The following CAMTA1 variants were observed in gnomAD, a reference collection of about 807,000 sequenced individuals.
CAMTA1 encodes calmodulin binding transcription activator 1.
A neutral mutation model predicts 170.9 loss-of-function variants in CAMTA1; 27 were observed. That is an observed-to-expected ratio of 0.16 (90% CI 0.12 to 0.22). CAMTA1 has a LOEUF of 0.22. CAMTA1 is among the 10% of genes least tolerant of loss of function. The pLI is 1.00. For synonymous variants in CAMTA1, 833 were observed against 891.5 expected (o/e 0.93, Z 1.17); for missense variants, 1,619 against 2,217.2 (o/e 0.73, Z 5.42).
At chr1:7,117,936 G>C (rs1035914926) in intron 4 of CAMTA1, among the ~76,000 whole-genome samples, 2 of 152,072 alleles carry the variant, frequency 1.3e-5, no homozygotes, top group South Asian at 4.2e-4. Context: ...TCTTCCTACA[G>C]AACTCCTCTG....
intron 5 of CAMTA1, among the ~76,000 whole-genome samples, chr1:7,254,860 T>C (rs1667126058): frequency 6.6e-6 from 1 of 152,230 alleles, no homozygotes; most frequent in African/African-American, 2.4e-5. Context: ...TGAACATGTA[T>C]GGTGCCCAAA....
At chr1:7,276,460 G>A (rs1009917032) in intron 5 of CAMTA1, among the ~76,000 whole-genome samples, 1 of 150,538 alleles carries the variant, frequency 6.6e-6, no homozygotes, top group Non-Finnish European at 1.5e-5. Context: ...ACAGGCGCCC[G>A]CCACCATGCC....
At chr1:7,650,013 C>T (rs932918987) in intron 7 of CAMTA1, among the ~76,000 whole-genome samples, 2 of 152,222 alleles carry the variant, frequency 1.3e-5, no homozygotes, top group Non-Finnish European at 2.9e-5. Flanking sequence ...CCGAGCCTGG[C>T]TTCCTGCGGC....
At chr1:6,881,466 G>C (rs888809946) in intron 3 of CAMTA1, among the ~76,000 whole-genome samples, 5 of 152,158 alleles carry the variant, frequency 3.3e-5, no homozygotes, top group Non-Finnish European at 7.3e-5. Context: ...GATAGACAGA[G>C]ATAGATTTGG....
chr1:7,101,885 A>G (rs1369965301), intron 4 of CAMTA1, among the ~76,000 whole-genome samples: 2 of 152,264 alleles, frequency 1.3e-5, no homozygotes, highest in Non-Finnish European at 2.9e-5. Context: ...CACGGAGCAT[A>G]TACATGCACA....
At chr1:6,936,243 G>C (rs961162132) in intron 3 of CAMTA1, among the ~76,000 whole-genome samples, 3 of 152,318 alleles carry the variant, frequency 2.0e-5, no homozygotes, top group African/African-American at 7.2e-5. Context: ...CAGATAATAG[G>C]CAGTATCTAA....
At chr1:6,859,198 G>A (rs1014330092) in intron 3 of CAMTA1, among the ~76,000 whole-genome samples, 2 of 146,986 alleles carry the variant, frequency 1.4e-5, no homozygotes, top group African/African-American at 2.7e-5. Flanking sequence ...TGTAAATCGC[G>A]TGTGTGTTGT....
intron 6 of CAMTA1, among the ~76,000 whole-genome samples, chr1:7,615,720 G>A (rs565139268): frequency 6.6e-6 from 1 of 152,340 alleles, no homozygotes; most frequent in Admixed American, 6.5e-5. Flanking sequence ...AAGAGACAAA[G>A]GTCACTTTGG....
intron 3 of CAMTA1, among the ~76,000 whole-genome samples, chr1:6,892,135 C>T (rs1420966339): frequency 6.6e-6 from 1 of 152,212 alleles, no homozygotes; most frequent in South Asian, 2.1e-4. Context: ...TATACATAAT[C>T]ATTCTTTAAA....
chr1:6,931,235 A>G (rs909280247), intron 3 of CAMTA1, among the ~76,000 whole-genome samples: 2 of 152,330 alleles, frequency 1.3e-5, no homozygotes, highest in African/African-American at 2.4e-5. Flanking sequence ...TGCAGAAGCT[A>G]TTTAGCATTC....
chr1:7,145,022 G>C (rs1264701328), intron 4 of CAMTA1, among the ~76,000 whole-genome samples: 1 of 152,230 alleles, frequency 6.6e-6, no homozygotes, highest in African/African-American at 2.4e-5. Context: ...TCTAGAATTG[G>C]GTCCCTTTCG....
chr1:7,097,802 C>G (rs1419623548), intron 4 of CAMTA1, among the ~76,000 whole-genome samples: 1 of 152,118 alleles, frequency 6.6e-6, no homozygotes, highest in African/African-American at 2.4e-5. Flanking sequence ...CTAGAATAGT[C>G]AGCTCTGGAG....
chr1:6,907,769 G>A (rs943824833), intron 3 of CAMTA1, among the ~76,000 whole-genome samples: 2 of 152,178 alleles, frequency 1.3e-5, no homozygotes, highest in African/African-American at 4.8e-5. Flanking sequence ...CCCCGTGACT[G>A]GCAGACCAGT....
chr1:7,041,418 C>A lies in CAMTA1; in HGVS notation c.235-49886C>A, dbSNP rs375818610. On this transcript the variant is annotated intron_variant, in intron 3 of 22. Transcript: ENST00000303635. This position sits in a 1 kb window ranked among gnomAD's most constrained non-coding sequence, Gnocchi z 5.1. ...ACAGAACATAAATCAGAGGCAGAATCTTTTAACATTTACAGTTTTAAGTGA... is the reference window on the plus strand; with the variant it reads ...ACAGAACATAAATCAGAGGCAGAATATTTTAACATTTACAGTTTTAAGTGA... Among the ~76,000 whole-genome samples the A allele has an allele frequency of 6.4e-4, 98 of 152,348 alleles. No individual in the cohort carries two copies. The highest frequency in any genetic ancestry group is 2.3e-3 in the African/African-American group (94 of 41,586).
chr1:7,404,227 T>C (rs1243377044), intron 5 of CAMTA1, among the ~76,000 whole-genome samples: 1 of 152,244 alleles, frequency 6.6e-6, no homozygotes, highest in African/African-American at 2.4e-5. Context: ...CGCCACGCTC[T>C]GGACCCGTTT....
At chr1:7,512,329 A>T (rs371584003) in intron 6 of CAMTA1, among the ~76,000 whole-genome samples, 1 of 152,334 alleles carries the variant, frequency 6.6e-6, no homozygotes, top group Middle Eastern at 3.4e-3. Flanking sequence ...ATAAAGCCAG[A>T]CAAGGCCTGT....
intron 4 of CAMTA1, among the ~76,000 whole-genome samples, chr1:7,149,107 G>C (rs1258458389): frequency 1.3e-5 from 2 of 152,206 alleles, no homozygotes; most frequent in Non-Finnish European, 2.9e-5. Flanking sequence ...GGGGCGTAGG[G>C]GCTTCTCTGG....
chr1:7,693,861 T>A (rs2096345700), intron 11 of CAMTA1: 1 of 152,262 alleles, frequency 6.6e-6, no homozygotes. Flanking sequence ...TGATACCACG[T>A]GACCCAAAGA....
chr1:7,403,225 G>C (rs1457889896), intron 5 of CAMTA1, among the ~76,000 whole-genome samples: 1 of 152,078 alleles, frequency 6.6e-6, no homozygotes, highest in African/African-American at 2.4e-5. Flanking sequence ...GTGATGACGG[G>C]TGCCTGTAAT....
Sources: gnomAD v4.1 joint callset for allele counts (sites outside exome capture counted in the v4.1 genomes callset) on GRCh38, gnomAD v4.1.1 for gene constraint, Gnocchi (gnomAD v3.1) non-coding constraint, MANE v1.5 for transcripts, NCBI Gene and HGNC (gene_info 2026-07-23, HGNC 2026-07-21) for gene names.